The following RSPO4 variants were observed in gnomAD, a reference collection of about 807,000 sequenced individuals.
RSPO4 encodes R-spondin-4.
RSPO4 carries 23 observed loss-of-function variants against 24.8 expected under a neutral mutation model. The ratio of observed to expected loss-of-function variants is 0.93; its 90% CI spans 0.67 to 1.31. RSPO4 has a LOEUF of 1.31. Among genes scored for constraint, RSPO4 ranks in the 40% most tolerant of loss-of-function variants. RSPO4 has a pLI of 0.00. For synonymous variants in RSPO4, 141 were observed against 127.4 expected, an observed-to-expected ratio of 1.11 and a Z score of -0.72; for missense variants, 333 against 316.5, an observed-to-expected ratio of 1.05 and a Z score of -0.39.
At chr20:987,662 G>A (rs762191848) in intron 1 of RSPO4, among the ~76,000 whole-genome samples, 8 of 151,934 alleles carry the variant, frequency 5.3e-5, no homozygotes, top group Middle Eastern at 6.3e-3. Flanking sequence ...ATGGTGATGC[G>A]TGCCTATAGT....
chr20:965,816 T>C (rs1473897920), intron 3 of RSPO4, among the ~76,000 whole-genome samples: 1 of 152,202 alleles, frequency 6.6e-6, no homozygotes, highest in Non-Finnish European at 1.5e-5. Flanking sequence ...CACTGAAATG[T>C]CATGTCCTTG....
chr20:977,404 G>A (rs951241667), intron 1 of RSPO4, among the ~76,000 whole-genome samples: 1 of 152,278 alleles, frequency 6.6e-6, no homozygotes, highest in East Asian at 1.9e-4. Context: ...TAACCTCACT[G>A]TGCTTCAGTT....
At chr20:963,317 C>T (rs1244496205) in intron 4 of RSPO4, among the ~76,000 whole-genome samples, 1 of 152,144 alleles carries the variant, frequency 6.6e-6, no homozygotes, top group East Asian at 1.9e-4. Flanking sequence ...CAATTGGTTT[C>T]GAACACTTCC....
chr20:967,391 G>A (rs1568909041), intron 2 of RSPO4, 77 bp from the exon 3 acceptor site: 3 of 1,496,874 alleles, frequency 2.0e-6, no homozygotes, highest in South Asian at 1.1e-5. Context: ...CGAGGTGGAA[G>A]GCCCTCTGGG....
intron 4 of RSPO4, among the ~76,000 whole-genome samples, chr20:961,594 T>G (rs1400300864): frequency 2.0e-5 from 3 of 152,050 alleles, no homozygotes; most frequent in African/African-American, 7.2e-5. Context: ...TGAGGCCAAC[T>G]CCCACTCTGA....
intron 1 of RSPO4, among the ~76,000 whole-genome samples, chr20:1,001,169 C>G (rs1211808678): frequency 6.6e-6 from 1 of 152,204 alleles, no homozygotes; most frequent in Non-Finnish European, 1.5e-5. Context: ...ATTTGATGAG[C>G]TAGGACATGA....
chr20:998,079 G>T (rs1985351129), intron 1 of RSPO4, among the ~76,000 whole-genome samples: 1 of 152,250 alleles, frequency 6.6e-6, no homozygotes, highest in Admixed American at 6.5e-5. Flanking sequence ...GGGAAGCACG[G>T]ACGGGAGAAG....
chr20:1,002,215 G>A lies in RSPO4; in HGVS notation c.-51C>T. ...CTCCCCAGGCGGCCCGACGGCCCAA[G>A]GGCCCCACGTCCCGGCGGCGGCACG... On this transcript the variant is annotated 5_prime_UTR_variant, in exon 1 of 5. Coordinates refer to ENST00000217260, the MANE Select transcript of RSPO4 (RefSeq NM_001029871.4). The surrounding 1 kb of genome is among the most constrained non-coding windows in gnomAD (Gnocchi z 4.6). The A allele has an allele frequency of 7.3e-7, 1 of 1,370,094 alleles. No homozygotes were observed. Among genetic ancestry groups the A allele is most frequent in the Non-Finnish European group, 9.6e-7 (1 of 1,036,818 alleles). 84.9% of individuals were successfully genotyped at this position (1,370,094 alleles called of 1,614,324 possible).
At chr20:984,942 T>C (rs1348334603) in intron 1 of RSPO4, among the ~76,000 whole-genome samples, 1 of 118,338 alleles carries the variant, frequency 8.5e-6, no homozygotes, top group African/African-American at 4.0e-5. Flanking sequence ...CATCCATCCA[T>C]CCATCCATCC....
chr20:985,695 C>G (rs1369693767), intron 1 of RSPO4, among the ~76,000 whole-genome samples: 1 of 152,220 alleles, frequency 6.6e-6, no homozygotes, highest in Non-Finnish European at 1.5e-5. Context: ...CTTTGTCACC[C>G]CCATCCCTGA....
At chr20:961,213 T>C (rs1434493350) in intron 4 of RSPO4, among the ~76,000 whole-genome samples, 1 of 152,196 alleles carries the variant, frequency 6.6e-6, no homozygotes, top group Non-Finnish European at 1.5e-5. Context: ...GACCACAGCA[T>C]GGTTGGGAGC....
intron 4 of RSPO4, 61 bp from the exon 5 acceptor site, chr20:960,527 C>G: frequency 8.0e-7 from 1 of 1,255,488 alleles, no homozygotes; most frequent in Non-Finnish European, 1.1e-6. Context: ...TCCTGGGAGC[C>G]TCCTCAGTCC....
In RSPO4 at chr20:985,521, C is replaced by T. The variant is rs367897681; in HGVS notation, c.79+16565G>A. On this transcript the variant is annotated intron_variant, in intron 1 of 4. Coordinates refer to ENST00000217260, the MANE Select transcript of RSPO4 (RefSeq NM_001029871.4). ...AGGACTTTTGTTCACCAGTGACTCT[C>T]CAATGCCATGCATGGGGCCACATGT... Among the ~76,000 whole-genome samples the T allele has an allele frequency of 5.3e-5, 8 of 152,348 alleles. No individual in the cohort carries two copies. The East Asian group carries it at 9.6e-4, about 18-fold the overall frequency.
At chr20:964,596 G>A (rs1194143798) in intron 3 of RSPO4, among the ~76,000 whole-genome samples, 1 of 151,814 alleles carries the variant, frequency 6.6e-6, no homozygotes. Context: ...TTGATCATGT[G>A]TCTTTGATCA....
At position 963,857 on chromosome 20, in the gene RSPO4, G is replaced by C; in HGVS notation, c.595+78C>G. The C allele has an allele frequency of 2.8e-6, 4 of 1,407,002 alleles. No homozygotes were observed. In the Admixed American group the frequency reaches 6.7e-5, roughly 24 times the overall value. The allele number at this position is 1,407,002 out of a possible 1,614,324, so 87.2% of individuals were successfully genotyped here. On this transcript the variant is annotated intron_variant, in intron 4 of 4. Transcript: ENST00000217260. ...TCAGGCAGTCTCATAGATACTATTT[G>C]TGGGGCAGTGATCTGAGTCCGCCCT...
In RSPO4 at chr20:1,002,107, G is replaced by C. The variant is rs776329354; in HGVS notation, c.58C>G (p.Leu20Val). 1 of 1,564,150 alleles carries C rather than the reference G, an allele frequency of 6.4e-7. No individual in the cohort carries two copies. The highest frequency in any genetic ancestry group is 1.2e-5 in the South Asian group (1 of 85,130). ...GTACCTTGCTTCTTCCTTCGGTTCA[G>C]GGCGAGCATGTCCACGGCGTGGGCG... ...LVAHAVDMLA[L>V]NRRKKQVGTG... is the part of the protein sequence containing the mutation. The change falls in exon 1 of 5, where the codon CTG becomes GTG. Residue 20 changes from leucine (L) to valine (V), a missense_variant. Transcript: ENST00000217260. This position sits in a 1 kb window ranked among gnomAD's most constrained non-coding sequence, Gnocchi z 4.6.
chr20:983,136 G>T (rs934887343), intron 1 of RSPO4, among the ~76,000 whole-genome samples: 1 of 152,216 alleles, frequency 6.6e-6, no homozygotes, highest in African/African-American at 2.4e-5. Flanking sequence ...TTCTGCAAAC[G>T]ACCTTCTTCA....
intron 1 of RSPO4, among the ~76,000 whole-genome samples, chr20:994,648 C>A (rs1019163987): frequency 3.8e-4 from 58 of 152,040 alleles, no homozygotes; most frequent in Non-Finnish European, 3.5e-4. Context: ...CCTTTGCTTT[C>A]CAGGTTCAAG....
In RSPO4 at chr20:1,001,876, T is replaced by A. The variant is rs565446488; in HGVS notation, c.79+210A>T. Among the ~76,000 whole-genome samples the A allele has an allele frequency of 1.1e-4, 16 of 152,268 alleles. No individual in the cohort carries two copies. In the East Asian group the frequency reaches 3.1e-3, roughly 29 times the overall value. ...CCCTCTCCCTTCTGGGTGAGTCTCC[T>A]TGGCCCACCCTACTCAATGGCTCGC... On this transcript the variant is annotated intron_variant, in intron 1 of 4. Transcript: ENST00000217260.
Sources: gnomAD v4.1 joint callset for allele counts (sites outside exome capture counted in the v4.1 genomes callset) on GRCh38, gnomAD v4.1.1 for gene constraint, Gnocchi (gnomAD v3.1) non-coding constraint, MANE v1.5 for transcripts, NCBI Gene and HGNC (gene_info 2026-07-23, HGNC 2026-07-21) for gene names.